The following ARHGAP22 variants were observed in gnomAD, a reference collection of about 807,000 sequenced individuals.
ARHGAP22 encodes the protein rho GTPase-activating protein 22.
A neutral mutation model predicts 59.1 loss-of-function variants in ARHGAP22; 48 were observed. The observed-to-expected ratio is 0.81, with a 90% confidence interval of 0.64 to 1.03. ARHGAP22 has a LOEUF of 1.03. Ranked by LOEUF, ARHGAP22 falls within the 50% of genes least tolerant of loss-of-function variation. ARHGAP22 has a pLI of 0.00. For missense variants in ARHGAP22, 1,015 were observed against 958.7 expected (o/e 1.06, Z -0.78); for synonymous variants, 445 against 416.4 (o/e 1.07, Z -0.84).
intron 3 of ARHGAP22, among the ~76,000 whole-genome samples, chr10:48,547,261 C>T (rs1298070938): frequency 2.0e-5 from 3 of 152,248 alleles, no homozygotes; most frequent in Non-Finnish European, 4.4e-5. Context: ...ACAATCAACC[C>T]CATGGCCCTG....
At chr10:48,544,346 G>A (rs1416346881) in intron 3 of ARHGAP22, among the ~76,000 whole-genome samples, 5 of 152,184 alleles carry the variant, frequency 3.3e-5, no homozygotes. Context: ...CTTACTCCAA[G>A]TCTGAGGCTC....
chr10:48,597,315 G>A (rs967301956), intron 1 of ARHGAP22, among the ~76,000 whole-genome samples: 3 of 152,054 alleles, frequency 2.0e-5, no homozygotes, highest in African/African-American at 4.8e-5. Context: ...CCCACGGCCT[G>A]TTTCCACACA....
intron 1 of ARHGAP22, among the ~76,000 whole-genome samples, chr10:48,589,624 A>T (rs1425563340): frequency 1.3e-5 from 2 of 152,188 alleles, no homozygotes; most frequent in African/African-American, 4.8e-5. Flanking sequence ...ACTTGTTCAG[A>T]CAAATCCCTC....
intron 1 of ARHGAP22, among the ~76,000 whole-genome samples, chr10:48,585,252 G>A (rs919328420): frequency 3.9e-5 from 6 of 152,150 alleles, no homozygotes; most frequent in Non-Finnish European, 7.3e-5. Flanking sequence ...TAGCACATTT[G>A]CTTGATACAC....
At chr10:48,440,623 A>G in the ARHGAP22 span, among the ~76,000 whole-genome samples, 1 of 152,170 alleles carries the variant, frequency 6.6e-6, no homozygotes, top group South Asian at 2.1e-4. Context: ...GGGTGTAGGT[A>G]CAGGGAGAAA....
chr10:48,472,539 TAAAATAAAAC>T (rs1312671886), intron 4 of ARHGAP22, among the ~76,000 whole-genome samples: 2 of 151,734 alleles, frequency 1.3e-5, no homozygotes, highest in African/African-American at 2.4e-5. Flanking sequence ...TAAAATAAAA[TAAAATAAAAC>T]AAAATAAAAT....
At chr10:48,475,302 C>A (rs2048607447) in intron 4 of ARHGAP22, among the ~76,000 whole-genome samples, 1 of 152,192 alleles carries the variant, frequency 6.6e-6, no homozygotes, top group African/African-American at 2.4e-5. Context: ...CCTCTGCTGT[C>A]CCTCCACTCG....
At chr10:48,476,442 A>G (rs2048748934) in intron 4 of ARHGAP22, among the ~76,000 whole-genome samples, 1 of 152,164 alleles carries the variant, frequency 6.6e-6, no homozygotes, top group Non-Finnish European at 1.5e-5. Flanking sequence ...CTCTGTTACA[A>G]AACAGTCAAA....
chr10:48,547,170 TCTTCCTCGGAAGCTTC>T, intron 3 of ARHGAP22, among the ~76,000 whole-genome samples: 1 of 152,328 alleles, frequency 6.6e-6, no homozygotes, highest in Non-Finnish European at 1.5e-5. Context: ...CCTCCCCAGC[TCTTCCTCGGAAGCTTC>T]CTTTCTACAT....
chr10:48,567,089 T>G (rs1484872232), intron 2 of ARHGAP22, among the ~76,000 whole-genome samples: 2 of 152,200 alleles, frequency 1.3e-5, no homozygotes, highest in East Asian at 3.9e-4. Flanking sequence ...TTTGCAAAGT[T>G]CTGGTTGCTC....
At chr10:48,612,049 C>T (rs938620537) in intron 1 of ARHGAP22, among the ~76,000 whole-genome samples, 1 of 151,510 alleles carries the variant, frequency 6.6e-6, no homozygotes, top group East Asian at 1.9e-4. Context: ...TCTTGAACTC[C>T]TGACCTCATG....
chr10:48,603,833 T>C (rs2060525325), intron 1 of ARHGAP22, among the ~76,000 whole-genome samples: 1 of 152,178 alleles, frequency 6.6e-6, no homozygotes, highest in Non-Finnish European at 1.5e-5. Flanking sequence ...GATGGGTGTG[T>C]TCCCTGTGAA....
chr10:48,630,180 C>T (rs1383276296), intron 1 of ARHGAP22, among the ~76,000 whole-genome samples: 7 of 152,188 alleles, frequency 4.6e-5, no homozygotes, highest in African/African-American at 1.7e-4. Context: ...CAACCTCCAC[C>T]TCCCTGGTTC....
intron 1 of ARHGAP22, among the ~76,000 whole-genome samples, chr10:48,638,401 T>G (rs1400338024): frequency 1.3e-5 from 2 of 149,362 alleles, no homozygotes; most frequent in African/African-American, 2.5e-5. Flanking sequence ...GTGTGTGTGT[T>G]GTGTGTGTGT....
intron 2 of ARHGAP22, among the ~76,000 whole-genome samples, chr10:48,578,657 T>C (rs1053893008): frequency 2.0e-5 from 3 of 148,462 alleles, no homozygotes; most frequent in Admixed American, 6.9e-5. Context: ...TTGACAGTGA[T>C]TGGGTCTCTG....
At chr10:48,583,340 G>A (rs990663702) in intron 1 of ARHGAP22, among the ~76,000 whole-genome samples, 188 bp from the exon 2 acceptor site, 38 of 152,238 alleles carry the variant, frequency 2.5e-4, no homozygotes, top group African/African-American at 8.0e-4. Flanking sequence ...GCAGCAGCCT[G>A]CAGTGATCCC....
chr10:48,558,385 T>C (rs2057456350), intron 2 of ARHGAP22, among the ~76,000 whole-genome samples: 1 of 152,040 alleles, frequency 6.6e-6, no homozygotes, highest in Non-Finnish European at 1.5e-5. Context: ...TTTTGCTTTT[T>C]TGGGTCTTGC....
At chr10:48,579,927 T>C (rs1010994170) in intron 2 of ARHGAP22, among the ~76,000 whole-genome samples, 2 of 152,240 alleles carry the variant, frequency 1.3e-5, no homozygotes, top group Non-Finnish European at 2.9e-5. Flanking sequence ...TTTGAGATCA[T>C]ACTGTATAAG....
intron 1 of ARHGAP22, among the ~76,000 whole-genome samples, chr10:48,641,149 T>A (rs2062028286): frequency 6.6e-6 from 1 of 152,046 alleles, no homozygotes. Context: ...AGAAAATATC[T>A]ATCTAACACA....
Sources: allele counts gnomAD v4.1 joint callset (sites outside exome capture counted in the v4.1 genomes callset), GRCh38; gene constraint gnomAD v4.1.1; transcripts MANE v1.5; gene names NCBI Gene and HGNC (gene_info 2026-07-23, HGNC 2026-07-21).